The following ERBB4 variants were observed in gnomAD, a reference collection of about 807,000 sequenced individuals.
ERBB4 encodes erb-b2 receptor tyrosine kinase 4, also known as receptor tyrosine-protein kinase erbB-4.
A neutral mutation model predicts 158.0 loss-of-function variants in ERBB4; 42 were observed. The ratio of observed to expected loss-of-function variants is 0.27; its 90% CI spans 0.21 to 0.34. The LOEUF (loss-of-function observed/expected upper bound fraction) is 0.34, where lower values mean the gene tolerates loss of function less well. Among genes scored for constraint, ERBB4 ranks in the 10% least tolerant of loss-of-function variants. The pLI, the probability that ERBB4 is intolerant of heterozygous loss-of-function variation, is 1.00. For missense variants in ERBB4, 1,333 were observed against 1,624.1 expected, an observed-to-expected ratio of 0.82 and a Z score of 3.08; for synonymous variants, 583 against 558.7, an observed-to-expected ratio of 1.04 and a Z score of -0.61.
At chr2:212,018,567 C>A (rs1430715053) in intron 2 of ERBB4, among the ~76,000 whole-genome samples, 3 of 152,044 alleles carry the variant, frequency 2.0e-5, no homozygotes, top group Non-Finnish European at 4.4e-5. Flanking sequence ...TTCACAGACC[C>A]CTTTGAAAAG....
At chr2:211,585,222 G>C (rs1423033824) in intron 19 of ERBB4, among the ~76,000 whole-genome samples, 9 of 151,960 alleles carry the variant, frequency 5.9e-5, no homozygotes, top group African/African-American at 1.9e-4. Flanking sequence ...CGTGGCAGCG[G>C]GAGCCTGTAG....
intron 4 of ERBB4, among the ~76,000 whole-genome samples, chr2:211,754,556 C>T (rs980003030): frequency 1.1e-4 from 17 of 151,646 alleles, no homozygotes; most frequent in East Asian, 5.8e-4. Flanking sequence ...GCCTGCCATA[C>T]GCCCAGCTAG....
Position 211,749,171 on chromosome 2 carries a change from G to A in ERBB4, c.622+1468C>T, listed in dbSNP as rs530256405. Among the ~76,000 whole-genome samples, 130 of 152,210 alleles carry A rather than the reference G, an allele frequency of 8.5e-4. 1 individual carries two copies. The Middle Eastern group carries it at 0.027, about 32-fold the overall frequency. On this transcript the variant is annotated intron_variant, in intron 5 of 27. Transcript: ENST00000342788. ...GTCCAAAGAATAGGGAGGGAAATAG[G>A]CATTTATGTACATTGCTCTCGGTAG...
intron 19 of ERBB4, among the ~76,000 whole-genome samples, chr2:211,586,187 C>T (rs927005000): frequency 6.6e-6 from 1 of 152,086 alleles, no homozygotes; most frequent in African/African-American, 2.4e-5. Flanking sequence ...AACTGATCAA[C>T]TTCATGTAAA....
intron 3 of ERBB4, among the ~76,000 whole-genome samples, chr2:211,937,942 A>G (rs2080374239): frequency 6.6e-6 from 1 of 152,170 alleles, no homozygotes; most frequent in Non-Finnish European, 1.5e-5. Context: ...TTAAAGTGTC[A>G]TTTATCTGAC....
intron 3 of ERBB4, among the ~76,000 whole-genome samples, chr2:211,818,161 A>G (rs1299686564): frequency 6.6e-6 from 1 of 152,158 alleles, no homozygotes; most frequent in Admixed American, 6.5e-5. Flanking sequence ...GAATATAAAC[A>G]TAGGGTTGAA....
At chr2:211,880,909 A>G (rs1349685136) in intron 3 of ERBB4, among the ~76,000 whole-genome samples, 1 of 152,178 alleles carries the variant, frequency 6.6e-6, no homozygotes. Context: ...GAAGAGGACC[A>G]ACAATTTAAT....
At chr2:211,552,479 T>C (rs1285803978) in intron 20 of ERBB4, among the ~76,000 whole-genome samples, 1 of 152,090 alleles carries the variant, frequency 6.6e-6, no homozygotes, top group Non-Finnish European at 1.5e-5. Flanking sequence ...CTGTGAATCA[T>C]CTTGAAGGGT....
At chr2:212,082,606 T>C (rs541642067) in intron 2 of ERBB4, among the ~76,000 whole-genome samples, 1 of 151,956 alleles carries the variant, frequency 6.6e-6, no homozygotes, top group African/African-American at 2.4e-5. Context: ...AGAATACCTA[T>C]TTTCTACAAG....
At chr2:212,113,573 C>CAAAAAAAAAAAAAAAAAAA (rs35545899) in intron 2 of ERBB4, among the ~76,000 whole-genome samples, 1 of 64,246 alleles carries the variant, frequency 1.6e-5, no homozygotes, top group African/African-American at 6.2e-5. Context: ...GACTCCATCT[C>CAAAAAAAAAAAAAAAAAAA]AAAAAAAAAA....
chr2:211,841,662 C>T (rs2077473494), intron 3 of ERBB4, among the ~76,000 whole-genome samples: 1 of 151,442 alleles, frequency 6.6e-6, no homozygotes, highest in African/African-American at 2.4e-5. Flanking sequence ...TTTATTCCAC[C>T]AATTAAGGAA....
At chr2:211,683,361 T>C (rs1048699564) in intron 12 of ERBB4, among the ~76,000 whole-genome samples, 4 of 152,178 alleles carry the variant, frequency 2.6e-5, no homozygotes, top group Non-Finnish European at 4.4e-5. Context: ...TAGAGCTCCA[T>C]TGCTGCAACC....
At chr2:211,917,639 A>C (rs1337723304) in intron 3 of ERBB4, among the ~76,000 whole-genome samples, 1 of 152,224 alleles carries the variant, frequency 6.6e-6, no homozygotes, top group Non-Finnish European at 1.5e-5. Context: ...TCTATACAGT[A>C]TAGTGCTAAA....
chr2:211,683,937 T>C (rs2072458769), intron 12 of ERBB4, among the ~76,000 whole-genome samples: 1 of 152,140 alleles, frequency 6.6e-6, no homozygotes, highest in Admixed American at 6.5e-5. Context: ...TTCCATAAAA[T>C]GGCTAATAAT....
chr2:212,294,398 T>C (rs2106189741), intron 1 of ERBB4, among the ~76,000 whole-genome samples: 1 of 152,080 alleles, frequency 6.6e-6, no homozygotes, highest in South Asian at 2.1e-4. Context: ...TTATTTGGAG[T>C]CAATCATCTG....
Position 211,619,353 on chromosome 2 carries a change from T to G in ERBB4, c.2203-78A>C, listed in dbSNP as rs532909768. 5.4e-4 allele frequency: 444 copies of G among 824,214 alleles called. 7 individuals are homozygous for G. The highest frequency in any genetic ancestry group is 5.3e-3 in the South Asian group (375 of 71,000). The allele number at this position is 824,214 out of a possible 1,614,324, so 51.1% of individuals were successfully genotyped here. The stretch of plus-strand genomic sequence containing the variant: ...TACAAAGTAACTTAGAAGTTTGATA[T>G]TATAACATTCAATCAACAAATGTTT... On this transcript the variant is annotated intron_variant, in intron 18 of 27. Transcript: ENST00000342788.
chr2:211,834,686 C>A (rs756253774), intron 3 of ERBB4, among the ~76,000 whole-genome samples: 1 of 152,014 alleles, frequency 6.6e-6, no homozygotes, highest in Non-Finnish European at 1.5e-5. Context: ...TGGGCCAGTA[C>A]AAGGCCTGGA....
At chr2:212,369,032 A>T (rs937010577) in intron 1 of ERBB4, among the ~76,000 whole-genome samples, 2 of 152,158 alleles carry the variant, frequency 1.3e-5, no homozygotes, top group Non-Finnish European at 2.9e-5. Context: ...TTTGACAAGC[A>T]CTGATCTAGG....
At chr2:211,734,675 C>T (rs1575069588) in intron 5 of ERBB4, among the ~76,000 whole-genome samples, 3 of 141,802 alleles carry the variant, frequency 2.1e-5, no homozygotes, top group East Asian at 2.1e-4. Context: ...AATCCCAGCA[C>T]TTTGGAAGGC....
Sources: gnomAD v4.1 joint callset for allele counts (sites outside exome capture counted in the v4.1 genomes callset) on GRCh38, gnomAD v4.1.1 for gene constraint, MANE v1.5 for transcripts, NCBI Gene and HGNC (gene_info 2026-07-23, HGNC 2026-07-21) for gene names.